Variants in MAP2K6 observed in about 807,000 individuals in gnomAD.
MAP2K6 encodes the protein dual specificity mitogen-activated protein kinase kinase 6.
A neutral mutation model predicts 53.7 loss-of-function variants in MAP2K6; 16 were observed. That is an observed-to-expected ratio of 0.30 (90% CI 0.20 to 0.45). The LOEUF is 0.45. MAP2K6 is among the 20% of genes least tolerant of loss of function. The probability of loss-of-function intolerance (pLI) is 1.00; values close to 1 mark genes in which losing one functional copy is unlikely to be tolerated. For synonymous variants in MAP2K6, 132 were observed against 143.1 expected (o/e 0.92, Z 0.55); for missense variants, 204 against 411.9 (o/e 0.50, Z 4.37).
intron 2 of MAP2K6, among the ~76,000 whole-genome samples, chr17:69,509,641 G>A (rs1316764193): frequency 1.3e-5 from 2 of 151,966 alleles, no homozygotes; most frequent in African/African-American, 4.8e-5. Flanking sequence ...TATTGAAGTG[G>A]CAAGAATGTC....
At chr17:69,540,569 A>G (rs927583000) in intron 11 of MAP2K6, among the ~76,000 whole-genome samples, 1 of 152,240 alleles carries the variant, frequency 6.6e-6, no homozygotes, top group Non-Finnish European at 1.5e-5. Flanking sequence ...GTTCTAGTGC[A>G]GAGAAAATGG....
At chr17:69,517,992 C>T (rs1164744758) in intron 4 of MAP2K6, among the ~76,000 whole-genome samples, 2 of 152,044 alleles carry the variant, frequency 1.3e-5, no homozygotes, top group Non-Finnish European at 2.9e-5. Context: ...AGTTCGAGAC[C>T]AGCCTGGCCA....
chr17:69,541,334 G>A lies in MAP2K6; in HGVS notation c.928-342G>A, dbSNP rs75389780. Among the ~76,000 whole-genome samples the A allele has an allele frequency of 7.0e-4, 107 of 152,258 alleles. No homozygotes were observed. In the East Asian group the frequency reaches 0.019, roughly 26 times the overall value. ...TACTATATTAGCCTAAAATGACCTT[G>A]TGGGGCCCAGGGCTATTTGTAAATC... On this transcript the variant is annotated intron_variant, in intron 11 of 11. Coordinates refer to ENST00000590474, the MANE Select transcript of MAP2K6 (RefSeq NM_002758.4).
intron 11 of MAP2K6, among the ~76,000 whole-genome samples, chr17:69,541,051 C>T (rs911963004): frequency 1.3e-5 from 2 of 152,178 alleles, no homozygotes; most frequent in African/African-American, 2.4e-5. Flanking sequence ...ATCACGAGGT[C>T]AGGAGATCAA....
At position 69,544,738 on chromosome 17, in the gene MAP2K6, A is replaced by C. The variant is rs1391006975; in HGVS notation, c.*2985A>C. The C allele has an allele frequency of 6.6e-6, 1 of 152,216 alleles. No individual in the cohort carries two copies. Among genetic ancestry groups the C allele is most frequent in the Non-Finnish European group, 1.5e-5 (1 of 68,034 alleles). 9.4% of individuals were successfully genotyped at this position (152,216 alleles called of 1,614,324 possible). The stretch of plus-strand genomic sequence containing the variant: ...TAAGAGGTGTGCCAAAAAAAGTAAT[A>C]TGCATAACTTTTAAGACTATTACCC... On this transcript the variant is annotated 3_prime_UTR_variant, in exon 12 of 12. Coordinates refer to ENST00000590474, the MANE Select transcript of MAP2K6 (RefSeq NM_002758.4).
chr17:69,495,418 T>C (rs906461220), intron 1 of MAP2K6, among the ~76,000 whole-genome samples: 4 of 151,870 alleles, frequency 2.6e-5, no homozygotes, highest in Non-Finnish European at 5.9e-5. Flanking sequence ...GTATTTTTAA[T>C]AGAGACAGGG....
chr17:69,459,451 C>A (rs1907536617), intron 1 of MAP2K6, among the ~76,000 whole-genome samples: 1 of 151,858 alleles, frequency 6.6e-6, no homozygotes, highest in African/African-American at 2.4e-5. Flanking sequence ...GGGGATCATG[C>A]CTATAATCCC....
chr17:69,474,636 T>C (rs1343684556), intron 1 of MAP2K6, among the ~76,000 whole-genome samples: 1 of 152,218 alleles, frequency 6.6e-6, no homozygotes, highest in Non-Finnish European at 1.5e-5. Flanking sequence ...CCCTAGAGGA[T>C]TAAAGCTCTG....
chr17:69,489,548 G>A lies in MAP2K6; in HGVS notation c.17-16232G>A, dbSNP rs116367726. Reference sequence around the variant, plus strand: ...GCCTGAAGCAATAGTTGTTAATTACGGTAATGATTATTTCTTCAGGAGTTA... The same window carrying A: ...GCCTGAAGCAATAGTTGTTAATTACAGTAATGATTATTTCTTCAGGAGTTA... On this transcript the variant is annotated intron_variant, in intron 1 of 11. Coordinates refer to ENST00000590474, the MANE Select transcript of MAP2K6 (RefSeq NM_002758.4). 2.0e-3 allele frequency among the ~76,000 whole-genome samples: 306 copies of A among 152,274 alleles called. 1 individual carries two copies. The highest frequency in any genetic ancestry group is 7.1e-3 in the African/African-American group (294 of 41,554).
chr17:69,462,876 C>T (rs904389571), intron 1 of MAP2K6, among the ~76,000 whole-genome samples: 7 of 150,860 alleles, frequency 4.6e-5, no homozygotes, highest in South Asian at 2.1e-4. Context: ...GGGCGGAAAA[C>T]GAGGTCAGGA....
chr17:69,499,925 G>T (rs1909087885), intron 1 of MAP2K6, among the ~76,000 whole-genome samples: 1 of 152,132 alleles, frequency 6.6e-6, no homozygotes, highest in African/African-American at 2.4e-5. Context: ...AGTGTAAGGT[G>T]CCAGAATGTG....
intron 1 of MAP2K6, among the ~76,000 whole-genome samples, chr17:69,480,220 C>G (rs1160339376): frequency 2.0e-5 from 3 of 152,214 alleles, no homozygotes; most frequent in African/African-American, 7.2e-5. Context: ...GTACCCTGAG[C>G]TCCTTCATGT....
chr17:69,519,241 G>A (rs1598305511), intron 4 of MAP2K6, 72 bp from the exon 5 acceptor site: 2 of 1,513,878 alleles, frequency 1.3e-6, no homozygotes, highest in South Asian at 2.6e-5. Flanking sequence ...TTTCACGATG[G>A]GACTCCTTCA....
chr17:69,521,806 CAAAAAAAAAAAA>C (rs71293537), intron 7 of MAP2K6: 17 of 79,344 alleles, frequency 2.1e-4, no homozygotes, highest in Admixed American at 2.8e-4. Flanking sequence ...GATAAATGTA[CAAAAAAAAAAAA>C]AAAAAAAAAA....
chr17:69,505,760 C>T lies in MAP2K6; in HGVS notation c.17-20C>T, dbSNP rs267605024. The T allele has an allele frequency of 4.4e-6, 7 of 1,607,460 alleles. No homozygotes were observed. The highest frequency in any genetic ancestry group is 6.0e-6 in the Non-Finnish European group (7 of 1,174,278). ...GCTATGATTTAGTCCTTAACTTTTT[C>T]CTTTTGTCTTTCCCCATAGGCAAGA... On this transcript the variant is annotated intron_variant, in intron 1 of 11. Coordinates refer to ENST00000590474, the MANE Select transcript of MAP2K6 (RefSeq NM_002758.4).
intron 1 of MAP2K6, among the ~76,000 whole-genome samples, chr17:69,466,812 G>A (rs1370490783): frequency 6.6e-6 from 1 of 152,128 alleles, no homozygotes; most frequent in South Asian, 2.1e-4. Context: ...CCTGTTCCAG[G>A]TTCAAAGATC....
At chr17:69,515,669 G>A (rs1031566643) in intron 2 of MAP2K6, among the ~76,000 whole-genome samples, 2 of 152,144 alleles carry the variant, frequency 1.3e-5, no homozygotes, top group African/African-American at 4.8e-5. Flanking sequence ...GAAGACCCCA[G>A]AATTGTATAT....
intron 1 of MAP2K6, among the ~76,000 whole-genome samples, chr17:69,453,645 T>G (rs1225192398): frequency 2.0e-5 from 3 of 152,242 alleles, no homozygotes; most frequent in Admixed American, 1.3e-4. Context: ...TTTCTATTCT[T>G]TTTTGGAAGT....
chr17:69,524,412 G>C (rs1910653155), intron 8 of MAP2K6, among the ~76,000 whole-genome samples: 1 of 150,790 alleles, frequency 6.6e-6, no homozygotes, highest in Admixed American at 6.7e-5. Flanking sequence ...CAGAGACCTT[G>C]CAATCCCCTT....
Sources: allele counts gnomAD v4.1 joint callset (sites outside exome capture counted in the v4.1 genomes callset), GRCh38; gene constraint gnomAD v4.1.1; transcripts MANE v1.5; gene names NCBI Gene and HGNC (gene_info 2026-07-23, HGNC 2026-07-21).